Variants in NRG3 observed in about 807,000 individuals in gnomAD.
NRG3 encodes the protein pro-neuregulin-3, membrane-bound isoform.
NRG3 carries 31 observed loss-of-function variants against 66.9 expected under a neutral mutation model. That is an observed-to-expected ratio of 0.46 (90% CI 0.35 to 0.63). NRG3 has a LOEUF of 0.63. Among genes scored for constraint, NRG3 ranks in the 20% least tolerant of loss-of-function variants. NRG3 has a pLI of 0.00. For missense variants in NRG3, 910 were observed against 878.9 expected (o/e 1.04, Z -0.45); for synonymous variants, 393 against 359.4 (o/e 1.09, Z -1.06).
At chr10:81,881,341 A>G (rs1217005673) in intron 1 of NRG3, among the ~76,000 whole-genome samples, 1 of 152,138 alleles carries the variant, frequency 6.6e-6, no homozygotes, top group Admixed American at 6.5e-5. Flanking sequence ...AAGTTGATGT[A>G]GAAAGTTAAG....
At chr10:82,527,079 G>A (rs1247680690) in intron 2 of NRG3, among the ~76,000 whole-genome samples, 1 of 151,910 alleles carries the variant, frequency 6.6e-6, no homozygotes, top group Non-Finnish European at 1.5e-5. Flanking sequence ...ATTCAGGAAT[G>A]TTTCATACCA....
At chr10:82,909,759 C>T (rs1845138742) in intron 4 of NRG3, among the ~76,000 whole-genome samples, 1 of 152,112 alleles carries the variant, frequency 6.6e-6, no homozygotes. Flanking sequence ...TCAAAAAAGC[C>T]TGTAGATACC....
At chr10:81,978,201 T>C (rs1027121970) in intron 1 of NRG3, among the ~76,000 whole-genome samples, 7 of 152,182 alleles carry the variant, frequency 4.6e-5, no homozygotes, top group African/African-American at 1.7e-4. Context: ...TCCCAGCCTC[T>C]AGTATCATCT....
In NRG3 at chr10:82,895,194, T is replaced by C. The variant is rs1843533746; in HGVS notation, c.1054+29757T>C. On this transcript the variant is annotated intron_variant, in intron 4 of 8. Coordinates refer to ENST00000372141, the MANE Select transcript of NRG3 (RefSeq NM_001010848.4). ...TTCTATCATGGCAATTTCTATATGA[T>C]ATTGCTGTTAATATGTAGATGCTAT... Among the ~76,000 whole-genome samples the C allele has an allele frequency of 2.0e-5, 3 of 152,180 alleles. No individual in the cohort carries two copies. The South Asian group carries it at 6.2e-4, about 32-fold the overall frequency.
chr10:82,344,225 C>T (rs2082854066), intron 1 of NRG3, among the ~76,000 whole-genome samples: 1 of 150,418 alleles, frequency 6.6e-6, no homozygotes, highest in Non-Finnish European at 1.5e-5. Flanking sequence ...CCCCACACCC[C>T]ACAACAGTCC....
intron 1 of NRG3, among the ~76,000 whole-genome samples, chr10:82,120,684 T>C (rs1223441987): frequency 6.6e-6 from 1 of 152,164 alleles, no homozygotes; most frequent in Non-Finnish European, 1.5e-5. Flanking sequence ...TTACCTCTTT[T>C]GAGGGACCAA....
intron 3 of NRG3, among the ~76,000 whole-genome samples, chr10:82,789,628 C>T (rs1167878987): frequency 6.6e-6 from 1 of 151,924 alleles, no homozygotes; most frequent in Non-Finnish European, 1.5e-5. Context: ...ATTTTTAAGT[C>T]CATTCTGCTA....
At chr10:82,363,099 A>G (rs1000763660) in intron 2 of NRG3, among the ~76,000 whole-genome samples, 2 of 152,204 alleles carry the variant, frequency 1.3e-5, no homozygotes, top group Non-Finnish European at 2.9e-5. Flanking sequence ...AGGAAACCGA[A>G]TAACAAATAT....
intron 1 of NRG3, among the ~76,000 whole-genome samples, chr10:81,900,976 G>A (rs1406599715): frequency 4.6e-5 from 7 of 152,094 alleles, no homozygotes; most frequent in Non-Finnish European, 7.4e-5. Flanking sequence ...ATGAGCACAA[G>A]ATACGTTTTG....
chr10:82,809,159 A>G (rs2135490307), intron 3 of NRG3, among the ~76,000 whole-genome samples: 1 of 152,260 alleles, frequency 6.6e-6, no homozygotes, highest in South Asian at 2.1e-4. Context: ...CCCATCCCAT[A>G]TTATCCAATA....
At chr10:82,742,984 G>A (rs983204263) in intron 3 of NRG3, among the ~76,000 whole-genome samples, 2 of 152,074 alleles carry the variant, frequency 1.3e-5, no homozygotes, top group Admixed American at 6.5e-5. Context: ...GAAGCATGGG[G>A]GATGCTGCAG....
intron 2 of NRG3, among the ~76,000 whole-genome samples, chr10:82,658,505 A>G (rs2052049823): frequency 6.6e-6 from 1 of 152,162 alleles, no homozygotes; most frequent in African/African-American, 2.4e-5. Context: ...GTTCATATTT[A>G]CCACTTCTAT....
intron 1 of NRG3, among the ~76,000 whole-genome samples, chr10:81,926,242 G>A (rs1000732017): frequency 7.9e-5 from 12 of 151,994 alleles, no homozygotes; most frequent in Middle Eastern, 3.4e-3. Context: ...CTCAGTCTCC[G>A]GAGTAGCTGG....
At chr10:82,729,723 G>A (rs191660529) in intron 2 of NRG3, among the ~76,000 whole-genome samples, 1 of 152,294 alleles carries the variant, frequency 6.6e-6, no homozygotes, top group African/African-American at 2.4e-5. Flanking sequence ...GTCATAATTA[G>A]AAGTAAAAAA....
chr10:82,597,757 C>T (rs1472590858), intron 2 of NRG3, among the ~76,000 whole-genome samples: 4 of 151,864 alleles, frequency 2.6e-5, no homozygotes, highest in Non-Finnish European at 5.9e-5. Flanking sequence ...CCCGTCTCTA[C>T]GAAAAACACA....
intron 1 of NRG3, among the ~76,000 whole-genome samples, chr10:82,351,263 A>G (rs2083423832): frequency 6.6e-6 from 1 of 152,162 alleles, no homozygotes. Flanking sequence ...GGCTGTTTCT[A>G]TGTGTGAGAA....
intron 1 of NRG3, among the ~76,000 whole-genome samples, chr10:82,151,163 G>A (rs1267076847): frequency 1.3e-5 from 2 of 152,180 alleles, no homozygotes; most frequent in Non-Finnish European, 2.9e-5. Flanking sequence ...AACGGCTGAG[G>A]ATAGAGGTGA....
intron 4 of NRG3, among the ~76,000 whole-genome samples, chr10:82,875,495 C>T (rs1841734056): frequency 6.6e-6 from 1 of 152,054 alleles, no homozygotes; most frequent in African/African-American, 2.4e-5. Context: ...GTAGCTGGGA[C>T]CAGAGGCATG....
intron 3 of NRG3, among the ~76,000 whole-genome samples, chr10:82,817,158 C>G (rs1258678922): frequency 1.3e-5 from 2 of 152,184 alleles, no homozygotes; most frequent in African/African-American, 2.4e-5. Flanking sequence ...AGCAATTCTA[C>G]TGATGGCTTT....
Sources: allele counts gnomAD v4.1 joint callset (sites outside exome capture counted in the v4.1 genomes callset), GRCh38; gene constraint gnomAD v4.1.1; transcripts MANE v1.5; gene names NCBI Gene and HGNC (gene_info 2026-07-23, HGNC 2026-07-21).